MMP16: variants seen among roughly 807,000 people sequenced by gnomAD.
The protein encoded by MMP16 is matrix metalloproteinase-16.
MMP16 carries 12 observed loss-of-function variants against 67.8 expected under a neutral mutation model. The ratio of observed to expected loss-of-function variants is 0.18; its 90% CI spans 0.11 to 0.29. The LOEUF is 0.29. MMP16 is among the 10% of genes least tolerant of loss of function. The pLI, the probability that MMP16 is intolerant of heterozygous loss-of-function variation, is 1.00. For missense variants in MMP16, 475 were observed against 765.7 expected (o/e 0.62, Z 4.48); for synonymous variants, 249 against 255.9 (o/e 0.97, Z 0.26).
intron 1 of MMP16, among the ~76,000 whole-genome samples, chr8:88,240,450 G>C (rs1810016624): frequency 6.6e-6 from 1 of 152,152 alleles, no homozygotes; most frequent in South Asian, 2.1e-4. Flanking sequence ...AGAGCAGCAA[G>C]GACAGAGTGG....
intron 4 of MMP16, among the ~76,000 whole-genome samples, chr8:88,141,837 A>T (rs1808216075): frequency 6.6e-6 from 1 of 152,134 alleles, no homozygotes; most frequent in South Asian, 2.1e-4. Context: ...AAAAATGTTC[A>T]TGCTCCTTGG....
At position 88,076,744 on chromosome 8, in the gene MMP16, C is replaced by A. The variant is rs557753946; in HGVS notation, c.1084-2001G>T. On this transcript the variant is annotated intron_variant, in intron 6 of 9. Transcript: ENST00000286614. ...CTGGGTGTTAAAACCTTGCCAATCT[C>A]CAAATAAAGTATTCTTAAGTTATTG... is the stretch of plus-strand genomic sequence containing the variant. Among the ~76,000 whole-genome samples, 8 of 152,158 alleles carry A rather than the reference C, an allele frequency of 5.3e-5. No individual in the cohort carries two copies. The South Asian group carries it at 1.7e-3, about 32-fold the overall frequency.
At chr8:88,193,004 C>CA (rs1291622956) in intron 2 of MMP16, among the ~76,000 whole-genome samples, 4 of 151,870 alleles carry the variant, frequency 2.6e-5, no homozygotes, top group Non-Finnish European at 5.9e-5. Context: ...GGAGGTTCCT[C>CA]AAAAAACTAA....
At chr8:88,092,321 T>C (rs1808951463) in intron 6 of MMP16, among the ~76,000 whole-genome samples, 1 of 152,042 alleles carries the variant, frequency 6.6e-6, no homozygotes, top group Non-Finnish European at 1.5e-5. Context: ...CCTTTTATCT[T>C]TGCATTGCTC....
chr8:88,322,295 T>C (rs2130230710), intron 1 of MMP16, among the ~76,000 whole-genome samples: 1 of 152,288 alleles, frequency 6.6e-6, no homozygotes, highest in African/African-American at 2.4e-5. Flanking sequence ...TAGTAACAGA[T>C]GACATGACAA....
intron 4 of MMP16, among the ~76,000 whole-genome samples, chr8:88,121,636 C>A (rs1807832390): frequency 6.6e-6 from 1 of 151,958 alleles, no homozygotes; most frequent in Non-Finnish European, 1.5e-5. Context: ...TATCACCAAG[C>A]AGGCAACAAA....
intron 4 of MMP16, among the ~76,000 whole-genome samples, chr8:88,161,279 G>A (rs984476546): frequency 3.3e-5 from 5 of 151,996 alleles, no homozygotes; most frequent in East Asian, 3.9e-4. Context: ...GTCTTGGGAC[G>A]GTGTATGTGT....
chr8:88,150,691 C>T (rs1808389692), intron 4 of MMP16, among the ~76,000 whole-genome samples: 1 of 129,004 alleles, frequency 7.8e-6, no homozygotes, highest in African/African-American at 3.0e-5. Flanking sequence ...CAGGCCTGCC[C>T]TAAAAGAGCT....
intron 4 of MMP16, among the ~76,000 whole-genome samples, chr8:88,149,002 G>A (rs1055101388): frequency 1.1e-4 from 17 of 152,220 alleles, no homozygotes; most frequent in Admixed American, 3.3e-4. Flanking sequence ...CAGTGGGTGC[G>A]CGCACCGGGC....
chr8:88,125,464 G>GT (rs1807911381), intron 4 of MMP16, among the ~76,000 whole-genome samples: 2 of 151,826 alleles, frequency 1.3e-5, no homozygotes, highest in Non-Finnish European at 2.9e-5. Flanking sequence ...TCAGAAATAT[G>GT]TAAGTGCCAA....
chr8:88,053,796 C>T (rs1364323276), intron 8 of MMP16, among the ~76,000 whole-genome samples: 3 of 152,062 alleles, frequency 2.0e-5, no homozygotes, highest in African/African-American at 4.8e-5. Flanking sequence ...TAACTCATGA[C>T]ATCTTACATA....
At position 88,323,347 on chromosome 8, in the gene MMP16, G is replaced by A. The variant is rs533262605; in HGVS notation, c.132+3728C>T. On this transcript the variant is annotated intron_variant, in intron 1 of 9. Transcript: ENST00000286614. ...ACTCTGACTTTTTAGGTACATGCAG[G>A]CAAACCTGACAAAGGTTTGAATAAA... is the stretch of plus-strand genomic sequence containing the variant. Among the ~76,000 whole-genome samples, 4 of 152,198 alleles carry A rather than the reference G, an allele frequency of 2.6e-5. No homozygotes were observed. The East Asian group carries it at 5.8e-4, about 22-fold the overall frequency.
rs938293020 is a variant in MMP16 at position 88,033,289 on chromosome 8, A to G, written c.*8172T>C. The G allele has an allele frequency of 1.5e-5, 2 of 132,046 alleles. No individual in the cohort carries two copies. The highest frequency in any genetic ancestry group is 3.1e-5 in the Non-Finnish European group (2 of 63,596). The allele number at this position is 132,046 out of a possible 1,614,324, so 8.2% of individuals were successfully genotyped here. On this transcript the variant is annotated 3_prime_UTR_variant, in exon 10 of 10. Transcript: ENST00000286614. ...GGAGCTTTTTCTCCTTAATCTATCT[A>G]GTAAATATATATATATATATGTATC... is the stretch of plus-strand genomic sequence containing the variant.
chr8:88,097,186 A>G (rs78645364), intron 6 of MMP16, among the ~76,000 whole-genome samples: 55 of 152,082 alleles, frequency 3.6e-4, no homozygotes, highest in African/African-American at 1.3e-3. Context: ...AAAATGTTTT[A>G]TGATTTCAGT....
At chr8:88,264,949 C>A (rs561316405) in intron 1 of MMP16, among the ~76,000 whole-genome samples, 16 of 152,316 alleles carry the variant, frequency 1.1e-4, no homozygotes, top group Admixed American at 1.0e-3. Context: ...AATGACTTGG[C>A]AAGACTGCCT....
intron 4 of MMP16, among the ~76,000 whole-genome samples, chr8:88,127,400 A>G (rs1424661968): frequency 6.6e-6 from 1 of 151,870 alleles, no homozygotes; most frequent in Non-Finnish European, 1.5e-5. Context: ...TTAGGTGATG[A>G]GGGCTAAGGT....
chr8:88,114,720 T>C (rs537265021), intron 6 of MMP16, among the ~76,000 whole-genome samples: 2 of 152,148 alleles, frequency 1.3e-5, no homozygotes, highest in East Asian at 3.9e-4. Context: ...CTTGGAATTA[T>C]TGACAAAATG....
chr8:88,049,870 A>T (rs1024162623), intron 8 of MMP16, among the ~76,000 whole-genome samples: 3 of 152,090 alleles, frequency 2.0e-5, no homozygotes, highest in Non-Finnish European at 4.4e-5. Flanking sequence ...CCAAAAACTC[A>T]AAAAACTAGC....
chr8:88,240,364 C>A (rs1414730038), intron 1 of MMP16, among the ~76,000 whole-genome samples: 1 of 152,076 alleles, frequency 6.6e-6, no homozygotes, highest in Admixed American at 6.6e-5. Flanking sequence ...GAGAGGATAG[C>A]ATGAGTGGTG....
Sources: gnomAD v4.1 joint callset for allele counts (sites outside exome capture counted in the v4.1 genomes callset) on GRCh38, gnomAD v4.1.1 for gene constraint, MANE v1.5 for transcripts, NCBI Gene and HGNC (gene_info 2026-07-23, HGNC 2026-07-21) for gene names.